Variants in WDR48 observed in about 807,000 individuals in gnomAD.
WDR48 encodes WD repeat-containing protein 48.
A neutral mutation model predicts 94.0 loss-of-function variants in WDR48; 22 were observed. That is an observed-to-expected ratio of 0.23 (90% CI 0.17 to 0.33). The LOEUF is 0.33. WDR48 is among the 10% of genes least tolerant of loss of function. WDR48 has a pLI of 1.00. For synonymous variants in WDR48, 278 were observed against 280.5 expected (o/e 0.99, Z 0.09); for missense variants, 541 against 813.8 (o/e 0.66, Z 4.08).
intron 7 of WDR48, 27 bp downstream of exon 7, chr3:39,069,771 C>CTAA: frequency 6.3e-7 from 1 of 1,584,580 alleles, no homozygotes; most frequent in South Asian, 1.1e-5. Context: ...GGGTGTTTAC[C>CTAA]TAATAACCTT....
At chr3:39,089,140 A>T in intron 15 of WDR48, 91 bp from the exon 16 acceptor site, 5 of 1,174,646 alleles carry the variant, frequency 4.3e-6, no homozygotes, top group Non-Finnish European at 6.2e-6. Flanking sequence ...CTACATGAAA[A>T]CCATGAGGGT....
At chr3:39,077,363 A>G (rs2125665891) in intron 9 of WDR48, 150 bp downstream of exon 9, 2 of 685,504 alleles carry the variant, frequency 2.9e-6, no homozygotes, top group South Asian at 3.8e-5. Flanking sequence ...GAATGTAGGT[A>G]GAATCCTAAA....
intron 2 of WDR48, 53 bp downstream of exon 2, chr3:39,063,243 A>G: frequency 6.3e-7 from 1 of 1,596,178 alleles, no homozygotes; most frequent in Non-Finnish European, 8.5e-7. Context: ...AATGGCTTTT[A>G]CTGTCTAATA....
chr3:39,085,492 C>G (rs1268287873), intron 13 of WDR48, 23 bp from the exon 14 acceptor site: 1 of 1,586,920 alleles, frequency 6.3e-7, no homozygotes, highest in Non-Finnish European at 8.6e-7. Context: ...CATTTTATCT[C>G]TTTTTAATTA....
intron 8 of WDR48, among the ~76,000 whole-genome samples, 196 bp from the exon 9 acceptor site, chr3:39,076,943 T>C (rs1289201671): frequency 6.6e-6 from 1 of 152,156 alleles, no homozygotes; most frequent in Non-Finnish European, 1.5e-5. Flanking sequence ...CCCATTACAC[T>C]TTTATAGGGC....
At chr3:39,071,922 G>T (rs1037113169) in intron 7 of WDR48, among the ~76,000 whole-genome samples, 1 of 152,174 alleles carries the variant, frequency 6.6e-6, no homozygotes, top group Non-Finnish European at 1.5e-5. Flanking sequence ...TTGGAAAAAT[G>T]AGGTGAGGAA....
intron 4 of WDR48, 37 bp from the exon 5 acceptor site, chr3:39,066,709 C>A: frequency 6.2e-7 from 1 of 1,613,552 alleles, no homozygotes; most frequent in Non-Finnish European, 8.5e-7. Flanking sequence ...TATTACTGAT[C>A]TACAGAATAG....
chr3:39,091,396 A>G (rs1420635482), intron 16 of WDR48: 3 of 360,972 alleles, frequency 8.3e-6, no homozygotes, highest in Non-Finnish European at 1.5e-5. Flanking sequence ...ACTGTTATCT[A>G]AGAAGAGCCA....
At chr3:39,065,074 G>A (rs1271999960) in intron 2 of WDR48, among the ~76,000 whole-genome samples, 1 of 152,178 alleles carries the variant, frequency 6.6e-6, no homozygotes, top group Non-Finnish European at 1.5e-5. Flanking sequence ...GACTTGTACA[G>A]AGCTGTTCTG....
intron 1 of WDR48, among the ~76,000 whole-genome samples, chr3:39,061,267 A>G (rs1022018634): frequency 7.1e-6 from 1 of 140,510 alleles, no homozygotes; most frequent in Admixed American, 7.5e-5. Context: ...ACCCCCCAAC[A>G]TGCCCCAGTG....
intron 16 of WDR48, chr3:39,089,801 C>T (rs2034988845): frequency 6.6e-6 from 1 of 151,936 alleles, no homozygotes. Context: ...CTTTTCATGT[C>T]TGTACATCTT....
intron 5 of WDR48, 116 bp from the exon 6 acceptor site, chr3:39,068,655 C>T (rs1223989940): frequency 1.1e-5 from 7 of 623,380 alleles, no homozygotes; most frequent in East Asian, 2.6e-5. Context: ...ATTTCTTTTC[C>T]GTAGAGGACT....
intron 10 of WDR48, among the ~76,000 whole-genome samples, 175 bp from the exon 11 acceptor site, chr3:39,079,535 AT>A (rs2034411215): frequency 1.3e-5 from 2 of 152,176 alleles, no homozygotes; most frequent in Non-Finnish European, 2.9e-5. Context: ...GACATAAATA[AT>A]TTATGGGACT....
intron 10 of WDR48, 43 bp from the exon 11 acceptor site, chr3:39,079,668 G>T: frequency 7.4e-7 from 1 of 1,352,052 alleles, no homozygotes; most frequent in Non-Finnish European, 1.0e-6. Context: ...GAATTTAAAT[G>T]TAGAAAGATT....
chr3:39,074,833 CAAT>C lies in WDR48; in HGVS notation c.781_783del (p.Asn261del). The C allele has an allele frequency of 6.2e-7, 1 of 1,614,174 alleles. No homozygotes were observed. The highest frequency in any genetic ancestry group is 2.2e-5 in the East Asian group (1 of 44,886). ...ATGAAGGTGTTTGGGCGCTGCAAGT[CAAT>C]GATGCCTTCACACATGTGTATTCTG... On this transcript the variant is annotated inframe_deletion, in exon 8 of 19. Transcript: ENST00000302313.
At position 39,095,104 on chromosome 3, in the gene WDR48, C is replaced by T. The variant is rs958749707; in HGVS notation, c.*361C>T. 4.1e-6 allele frequency: 1 copy of T among 242,586 alleles called. No homozygotes were observed. The allele number at this position is 242,586 out of a possible 1,614,324, so 15.0% of individuals were successfully genotyped here. On this transcript the variant is annotated 3_prime_UTR_variant, in exon 19 of 19. Coordinates refer to ENST00000302313, the MANE Select transcript of WDR48 (RefSeq NM_020839.4). ...TGTTAGAGACACCTCAGTCGGGCCA[C>T]AACTGTCTCTGTTTCAACTTTAAGC...
rs377247945 is a variant in WDR48 at position 39,063,198 on chromosome 3, A to G, written c.189+8A>G. On this transcript the variant is annotated splice_region_variant and intron_variant, in intron 2 of 18. Transcript: ENST00000302313. ...AGTGTCAATCAGCACAAGGTAATGC[A>G]GGGATTAAAATCTGTACCCAGCAAA... is the stretch of plus-strand genomic sequence containing the variant. The G allele has an allele frequency of 6.2e-7, 1 of 1,613,074 alleles. No homozygotes were observed.
chr3:39,059,054 GAT>G, intron 1 of WDR48, among the ~76,000 whole-genome samples: 1 of 132,380 alleles, frequency 7.6e-6, no homozygotes, highest in African/African-American at 2.9e-5. Flanking sequence ...CAGCCTGGGC[GAT>G]ACAGTGAGAC....
chr3:39,094,283 T>A, intron 18 of WDR48: 1 of 1,428,674 alleles, frequency 7.0e-7, no homozygotes, highest in Non-Finnish European at 9.1e-7. Context: ...AGCTTTTTTT[T>A]CTGACAAGAA....
Sources: gnomAD v4.1 joint callset for allele counts (sites outside exome capture counted in the v4.1 genomes callset) on GRCh38, gnomAD v4.1.1 for gene constraint, MANE v1.5 for transcripts, NCBI Gene and HGNC (gene_info 2026-07-23, HGNC 2026-07-21) for gene names.